The following BPIFB3 variants were observed in gnomAD, a reference collection of about 807,000 sequenced individuals.
BPIFB3 encodes the protein BPI fold-containing family B member 3.
A neutral mutation model predicts 53.1 loss-of-function variants in BPIFB3; 49 were observed. That is an observed-to-expected ratio of 0.92 (90% CI 0.73 to 1.17). BPIFB3 has a LOEUF of 1.17. BPIFB3 is among the 50% of genes most tolerant of loss of function. The pLI, the probability that BPIFB3 is intolerant of heterozygous loss-of-function variation, is 0.00. For synonymous variants in BPIFB3, 271 were observed against 269.6 expected, an observed-to-expected ratio of 1.01 and a Z score of -0.05; for missense variants, 628 against 592.5, an observed-to-expected ratio of 1.06 and a Z score of -0.62.
chr20:33,062,594 C>T (rs1424129205), intron 5 of BPIFB3, among the ~76,000 whole-genome samples: 1 of 152,222 alleles, frequency 6.6e-6, no homozygotes, highest in Non-Finnish European at 1.5e-5. Flanking sequence ...ACGGCAGCCC[C>T]TAACTTAGTC....
chr20:33,069,089 C>A, intron 10 of BPIFB3, 116 bp downstream of exon 11: 1 of 1,202,414 alleles, frequency 8.3e-7, no homozygotes, highest in Non-Finnish European at 1.1e-6. Flanking sequence ...CCCACATAGT[C>A]CAGCACAGGA....
intron 1 of BPIFB3, among the ~76,000 whole-genome samples, 170 bp from the exon 3 acceptor site, chr20:33,056,372 G>C (rs1422224577): frequency 6.6e-6 from 1 of 152,222 alleles, no homozygotes; most frequent in Non-Finnish European, 1.5e-5. Flanking sequence ...CCTGCGGTGG[G>C]AGTAAGAGGC....
chr20:33,064,642 C>T (rs369645124), intron 7 of BPIFB3, 24 bp from the exon 9 acceptor site: 21 of 1,612,906 alleles, frequency 1.3e-5, no homozygotes, highest in Admixed American at 6.7e-5. Flanking sequence ...AGACCCTCCT[C>T]GGCCCTGTTT....
intron 11 of BPIFB3, 77 bp from the exon 13 acceptor site, chr20:33,071,176 A>G (rs1980868837): frequency 9.5e-7 from 1 of 1,049,574 alleles, no homozygotes; most frequent in Non-Finnish European, 1.2e-6. Context: ...GATGAGAGCT[A>G]TGGTGGGGCA....
chr20:33,061,927 G>C (rs1346601614), intron 5 of BPIFB3, 96 bp downstream of exon 6: 1 of 1,434,598 alleles, frequency 7.0e-7, no homozygotes, highest in Non-Finnish European at 9.7e-7. Context: ...GGCAGGATTA[G>C]GCTGTACTTC....
intron 9 of BPIFB3, among the ~76,000 whole-genome samples, chr20:33,068,244 TGGAA>T (rs1248791300): frequency 1.3e-5 from 2 of 152,126 alleles, no homozygotes; most frequent in African/African-American, 4.8e-5. Context: ...TGTCAGAAGG[TGGAA>T]GAGCATGGAG....
At chr20:33,072,024 C>G (rs1204204683) in intron 12 of BPIFB3, 80 bp from the exon 14 acceptor site, 1 of 1,472,340 alleles carries the variant, frequency 6.8e-7, no homozygotes, top group African/African-American at 1.4e-5. Flanking sequence ...CTGGGTTTCT[C>G]TCCCTGGGAA....
intron 11 of BPIFB3, 38 bp from the exon 13 acceptor site, chr20:33,071,215 G>C (rs1354801132): frequency 1.3e-6 from 2 of 1,543,670 alleles, no homozygotes; most frequent in Non-Finnish European, 1.7e-6. Flanking sequence ...GGTGGTTGGG[G>C]GTAGCGGGGG....
At chr20:33,072,680 C>T (rs1796803090) in intron 13 of BPIFB3, 37 bp from the exon 15 acceptor site, 1 of 1,575,072 alleles carries the variant, frequency 6.3e-7, no homozygotes, top group Non-Finnish European at 8.7e-7. Flanking sequence ...AGCTCCCCAC[C>T]AATGTACCTT....
chr20:33,055,256 C>T (rs186448911), upstream of BPIFB3, among the ~76,000 whole-genome samples: 13 of 152,272 alleles, frequency 8.5e-5, no homozygotes, highest in Admixed American at 1.3e-4. Flanking sequence ...GTGCCACCTG[C>T]GTGTTAGCTC....
At chr20:33,072,218 T>A in intron 13 of BPIFB3, 51 bp downstream of exon 14, 1 of 1,571,930 alleles carries the variant, frequency 6.4e-7, no homozygotes, top group South Asian at 1.1e-5. Context: ...AATTTGGTAT[T>A]GTCTAGTCTG....
chr20:33,068,512 G>A (rs1488952497), intron 9 of BPIFB3, among the ~76,000 whole-genome samples: 1 of 152,234 alleles, frequency 6.6e-6, no homozygotes, highest in Non-Finnish European at 1.5e-5. Context: ...CGGGAGGAGA[G>A]CAGGTGAAGT....
exon 2 of BPIFB3, chr20:33,056,661 C>T: frequency 6.2e-7 from 1 of 1,610,908 alleles, no homozygotes; most frequent in African/African-American, 1.3e-5. Context: ...CTTGCTGGGC[C>T]ACGGAGGGGT....
At chr20:33,072,848 G>C in intron 14 of BPIFB3, 55 bp downstream of exon 15, 2 of 1,427,454 alleles carry the variant, frequency 1.4e-6, no homozygotes, top group Non-Finnish European at 2.0e-6. Flanking sequence ...TCTCTGGAAA[G>C]CTCTGCTTGA....
At position 33,059,368 on chromosome 20, in the gene BPIFB3, C is replaced by T. The variant is rs781274841; in HGVS notation, c.282-10C>T. ...GGAGTGAGCAACCCTCTCCCTGACT[C>T]CCATCCTAGTCTGAAGATTGAGGAG... On this transcript the variant is annotated splice_polypyrimidine_tract_variant and intron_variant, in intron 2 of 14. Coordinates refer to ENST00000375494, the Ensembl canonical transcript of BPIFB3. The T allele has an allele frequency of 1.2e-5, 20 of 1,604,104 alleles. No individual in the cohort carries two copies. The highest frequency in any genetic ancestry group is 1.5e-5 in the Non-Finnish European group (18 of 1,175,092).
chr20:33,070,288 C>A (rs755904217), intron 11 of BPIFB3, among the ~76,000 whole-genome samples: 1 of 152,162 alleles, frequency 6.6e-6, no homozygotes, highest in Admixed American at 6.5e-5. Flanking sequence ...AAGAGACAAC[C>A]GGCCTTGAGT....
At chr20:33,056,384 G>C (rs1027886698) in intron 1 of BPIFB3, among the ~76,000 whole-genome samples, 158 bp from the exon 3 acceptor site, 1 of 152,214 alleles carries the variant, frequency 6.6e-6, no homozygotes, top group East Asian at 1.9e-4. Flanking sequence ...GTAAGAGGCT[G>C]TTATGGCTTA....
At chr20:33,059,726 C>G (rs985424264) in intron 3 of BPIFB3, among the ~76,000 whole-genome samples, 165 bp from the exon 5 acceptor site, 1 of 152,178 alleles carries the variant, frequency 6.6e-6, no homozygotes, top group African/African-American at 2.4e-5. Flanking sequence ...TCAGGCTCAC[C>G]TGAGAGGGTC....
rs1407936779 is a variant in BPIFB3, at chr20:33,063,693, G to A, written c.652+18G>A. 1.2e-6 allele frequency: 2 copies of A among 1,612,304 alleles called. No homozygotes were observed. Among genetic ancestry groups the A allele is most frequent in the African/African-American group, 1.3e-5 (1 of 74,850 alleles). On this transcript the variant is annotated intron_variant, in intron 6 of 14. Coordinates refer to ENST00000375494, the Ensembl canonical transcript of BPIFB3. ...TGTGCTGGGTAAGTCAGGGCTCAAT[G>A]CCCTCCTCTTTGCCCCTTCTACCCG...
Sources: gnomAD v4.1 joint callset for allele counts (sites outside exome capture counted in the v4.1 genomes callset) on GRCh38, gnomAD v4.1.1 for gene constraint, MANE v1.5 for transcripts, NCBI Gene and HGNC (gene_info 2026-07-23, HGNC 2026-07-21) for gene names.